The following MRE11 variants were observed in gnomAD, a reference collection of about 807,000 sequenced individuals.
MRE11 encodes the protein double-strand break repair protein MRE11.
Under a neutral mutation model 91.7 loss-of-function variants are expected in MRE11, and 62 were observed. The ratio of observed to expected loss-of-function variants is 0.68; its 90% CI spans 0.55 to 0.84. The LOEUF is 0.84. Ranked by LOEUF, MRE11 falls within the 40% of genes least tolerant of loss-of-function variation. The pLI is 0.00. For missense variants in MRE11, 796 were observed against 852.9 expected (o/e 0.93, Z 0.83); for synonymous variants, 273 against 271.4 (o/e 1.01, Z -0.06).
chr11:94,509,329 T>C, the MRE11 span, among the ~76,000 whole-genome samples: 1 of 152,206 alleles, frequency 6.6e-6, no homozygotes, highest in African/African-American at 2.4e-5. Flanking sequence ...TTACATTCCA[T>C]TTTTAATTTT....
At chr11:94,491,896 G>GA (rs5793685) in intron 2 of MRE11, among the ~76,000 whole-genome samples, 78,319 of 152,022 alleles carry the variant, frequency 0.52, 20,790 homozygotes, top group African/African-American at 0.64. Flanking sequence ...AGGTAGGTCA[G>GA]ATACTTTTCA....
At chr11:94,457,713 A>T (rs1227564164) in intron 13 of MRE11, among the ~76,000 whole-genome samples, 1 of 152,152 alleles carries the variant, frequency 6.6e-6, no homozygotes, top group East Asian at 1.9e-4. Flanking sequence ...AGGAGGGCCT[A>T]TTATCATCAC....
chr11:94,484,547 A>G lies in MRE11; in HGVS notation c.314+1377T>C, dbSNP rs116160612. Among the ~76,000 whole-genome samples the G allele has an allele frequency of 6.1e-3, 926 of 152,330 alleles. 5 individuals are homozygous for G. The highest frequency in any genetic ancestry group is 0.02 in the African/African-American group (838 of 41,572). On this transcript the variant is annotated intron_variant, in intron 4 of 19. Transcript: ENST00000323929. ...AGAGTAAGCTGGACTCAGAGACTCA[A>G]TTCTAACCAACAGCATATGGAAAGG...
chr11:94,483,142 C>T (rs140480221), intron 4 of MRE11, among the ~76,000 whole-genome samples: 218 of 151,836 alleles, frequency 1.4e-3, no homozygotes, highest in African/African-American at 5.0e-3. Context: ...AAAAAATTTA[C>T]CTCCCAATAT....
At chr11:94,496,964 A>C (rs755988298), upstream of MRE11, 23 of 1,612,210 alleles carry the variant, frequency 1.4e-5, no homozygotes, top group East Asian at 4.5e-4. Context: ...AAAAAAAAAA[A>C]TTACAGAGGG....
chr11:94,505,497 G>T, the MRE11 span, among the ~76,000 whole-genome samples: 1 of 152,014 alleles, frequency 6.6e-6, no homozygotes, highest in Non-Finnish European at 1.5e-5. Context: ...CATAGAATGA[G>T]GCTATAAAAA....
rs1555017253 is a variant in MRE11, at chr11:94,486,036, A to G, written c.202T>C (p.Ser68Pro). The change falls in exon 4 of 20, where the codon TCA becomes CCA. Residue 68 changes from serine to proline, a missense_variant. By Grantham distance (74) the Ser-to-Pro change is moderately conservative. Coordinates refer to ENST00000323929, the MANE Select transcript of MRE11 (RefSeq NM_005591.4). ...GGDLFHENKP[S>P]RKTLHTCLEL... ...AGGCAGGTATGTAATGTTTTCCTTGAGGGCTTATTTTCATGAAAAAGATCA... is the reference window on the plus strand; with the variant it reads ...AGGCAGGTATGTAATGTTTTCCTTGGGGGCTTATTTTCATGAAAAAGATCA... 6.2e-7 allele frequency: 1 copy of G among 1,613,852 alleles called. No homozygotes were observed. Among genetic ancestry groups the G allele is most frequent in the Non-Finnish European group, 8.5e-7 (1 of 1,179,900 alleles).
At chr11:94,491,834 T>C (rs1370825189) in intron 2 of MRE11, among the ~76,000 whole-genome samples, 2 of 152,324 alleles carry the variant, frequency 1.3e-5, no homozygotes, top group Non-Finnish European at 2.9e-5. Flanking sequence ...ACGATTTCTC[T>C]TCAAAAACTT....
At chr11:94,505,373 G>A in the MRE11 span, among the ~76,000 whole-genome samples, 8 of 152,082 alleles carry the variant, frequency 5.3e-5, no homozygotes, top group Non-Finnish European at 7.4e-5. Flanking sequence ...GACAGTGATC[G>A]TGATGACCCT....
chr11:94,491,500 T>A (rs1947281693), intron 2 of MRE11, among the ~76,000 whole-genome samples: 1 of 152,212 alleles, frequency 6.6e-6, no homozygotes, highest in Admixed American at 6.5e-5. Flanking sequence ...TTGAATTTGG[T>A]AATATTCAAA....
At chr11:94,477,337 T>C (rs1946888557) in intron 6 of MRE11, among the ~76,000 whole-genome samples, 1 of 152,202 alleles carries the variant, frequency 6.6e-6, no homozygotes, top group Non-Finnish European at 1.5e-5. Context: ...TTTCAAACAA[T>C]TCTCATACTC....
At chr11:94,433,506 G>A (rs561602015) in intron 18 of MRE11, among the ~76,000 whole-genome samples, 5 of 152,162 alleles carry the variant, frequency 3.3e-5, no homozygotes, top group Non-Finnish European at 7.3e-5. Flanking sequence ...TGGTTTGGCT[G>A]TGTCCCTACC....
intron 18 of MRE11, among the ~76,000 whole-genome samples, chr11:94,431,390 C>A (rs904357121): frequency 2.6e-5 from 4 of 152,212 alleles, no homozygotes; most frequent in African/African-American, 9.7e-5. Flanking sequence ...CTAAAACATT[C>A]TGCAAAAACA....
At position 94,467,916 on chromosome 11, in the gene MRE11, A is replaced by C. The variant is rs1946609474; in HGVS notation, c.1018-23T>G. ...AATCTCAAAATTTTTAAAAAGATTA[A>C]AAAACAACGTAGTAAACTGAGTTTA... On this transcript the variant is annotated intron_variant, in intron 9 of 19. Transcript: ENST00000323929. The C allele has an allele frequency of 1.9e-6, 3 of 1,594,872 alleles. No homozygotes were observed. The East Asian group carries it at 6.7e-5, about 36-fold the overall frequency.
intron 8 of MRE11, among the ~76,000 whole-genome samples, chr11:94,471,197 G>A (rs1397670498): frequency 6.6e-6 from 1 of 152,078 alleles, no homozygotes; most frequent in African/African-American, 2.4e-5. Context: ...TTTTAAAAAT[G>A]AGATCTATTA....
intron 16 of MRE11, among the ~76,000 whole-genome samples, chr11:94,437,752 T>C (rs1365773301): frequency 1.3e-5 from 2 of 152,238 alleles, no homozygotes; most frequent in African/African-American, 4.8e-5. Context: ...TATCCATACC[T>C]TTTTTCCTTT....
chr11:94,496,078 A>T (rs1006814047), upstream of MRE11, among the ~76,000 whole-genome samples: 3 of 152,238 alleles, frequency 2.0e-5, no homozygotes, highest in African/African-American at 7.2e-5. Flanking sequence ...TTATCAAAGT[A>T]GAAATAGGAT....
At chr11:94,477,626 TGTA>T (rs1393672750) in intron 6 of MRE11, among the ~76,000 whole-genome samples, 1 of 152,172 alleles carries the variant, frequency 6.6e-6, no homozygotes, top group African/African-American at 2.4e-5. Flanking sequence ...TGAGGTGGAA[TGTA>T]GAACATGTAA....
chr11:94,442,951 GACA>G (rs1434263161), intron 16 of MRE11, among the ~76,000 whole-genome samples: 4 of 152,126 alleles, frequency 2.6e-5, no homozygotes, highest in African/African-American at 9.7e-5. Context: ...TGGCAATAAA[GACA>G]ACATGTTTGT....
Sources: allele counts gnomAD v4.1 joint callset (sites outside exome capture counted in the v4.1 genomes callset), GRCh38; gene constraint gnomAD v4.1.1; transcripts MANE v1.5; gene names NCBI Gene and HGNC (gene_info 2026-07-23, HGNC 2026-07-21).